DCLK2: variants seen among roughly 807,000 people sequenced by gnomAD.
The protein encoded by DCLK2 is doublecortin like kinase 2.
Under a neutral mutation model 78.4 loss-of-function variants are expected in DCLK2, and 31 were observed. That is an observed-to-expected ratio of 0.40 (90% CI 0.30 to 0.53). DCLK2 has a LOEUF of 0.53. Among genes scored for constraint, DCLK2 ranks in the 20% least tolerant of loss-of-function variants. The pLI is 0.61. For missense variants in DCLK2, 872 were observed against 973.7 expected (o/e 0.90, Z 1.39); for synonymous variants, 407 against 374.9 (o/e 1.09, Z -0.99).
intron 1 of DCLK2, among the ~76,000 whole-genome samples, chr4:150,098,979 G>A (rs1580496634): frequency 6.6e-6 from 1 of 152,096 alleles, no homozygotes; most frequent in Non-Finnish European, 1.5e-5. Flanking sequence ...ACAGGCATGA[G>A]CCACCGTGCC....
intron 12 of DCLK2, among the ~76,000 whole-genome samples, chr4:150,245,847 G>A (rs2126617707): frequency 6.6e-6 from 1 of 152,236 alleles, no homozygotes; most frequent in Non-Finnish European, 1.5e-5. Context: ...AAGACAGGGT[G>A]GCAATTCCTC....
intron 2 of DCLK2, among the ~76,000 whole-genome samples, chr4:150,106,998 C>G (rs1464294425): frequency 6.6e-6 from 1 of 152,106 alleles, no homozygotes; most frequent in Non-Finnish European, 1.5e-5. Flanking sequence ...AGTTTTGTCC[C>G]TAGGGCATGT....
At chr4:150,255,569 AG>A (rs1050554264) in intron 15 of DCLK2, among the ~76,000 whole-genome samples, 14 of 152,256 alleles carry the variant, frequency 9.2e-5, no homozygotes, top group African/African-American at 3.4e-4. Flanking sequence ...ACAGCATCTC[AG>A]GTTGTTAGGA....
chr4:150,133,253 T>C (rs1733454031), intron 2 of DCLK2, among the ~76,000 whole-genome samples: 1 of 152,122 alleles, frequency 6.6e-6, no homozygotes, highest in Non-Finnish European at 1.5e-5. Context: ...ATATGAGAAA[T>C]GAAACAAGGT....
At position 150,221,755 on chromosome 4, in the gene DCLK2, A is replaced by G. The variant is rs1741203743; in HGVS notation, c.1211A>G (p.Asn404Ser). The change falls in exon 7 of 16, where the codon AAT (asparagine) becomes AGT (serine). Residue 404 changes from asparagine (N) to serine (S), a missense_variant. Around this residue, in one of 3 missense-constraint regions of DCLK2, gnomAD observed 567 missense variants for 593.4 expected, o/e 0.96. Transcript: ENST00000296550. ...ATTGGAAAGGTCATTGGTGATGGCAATTTTGCAGTAGTCAAAGAGTGTATA... is the reference window on the plus strand; with the variant it reads ...ATTGGAAAGGTCATTGGTGATGGCAGTTTTGCAGTAGTCAAAGAGTGTATA... ...YKIGKVIGDGNFAVVKECIDR... is the reference protein window; with the variant it reads ...YKIGKVIGDGSFAVVKECIDR... 6.2e-7 allele frequency: 1 copy of G among 1,606,586 alleles called. No homozygotes were observed.
At chr4:150,187,091 A>G (rs1246112183) in intron 2 of DCLK2, among the ~76,000 whole-genome samples, 1 of 152,246 alleles carries the variant, frequency 6.6e-6, no homozygotes, top group Non-Finnish European at 1.5e-5. Flanking sequence ...CGTATTTTGC[A>G]TGCAGCTCAC....
At chr4:150,130,731 G>T (rs746484717) in intron 2 of DCLK2, among the ~76,000 whole-genome samples, 26 of 152,112 alleles carry the variant, frequency 1.7e-4, no homozygotes, top group Non-Finnish European at 2.9e-4. Context: ...CCAGTCAGGA[G>T]ACATGCTCAC....
rs1327988889 is a variant in DCLK2, at chr4:150,203,833, T to A, written c.1000T>A (p.Ser334Thr). 6.2e-7 allele frequency: 1 copy of A among 1,614,040 alleles called. No homozygotes were observed. The highest frequency in any genetic ancestry group is 1.7e-5 in the Admixed American group (1 of 60,014). The change falls in exon 5 of 16, where the codon TCT becomes ACT. Residue 334 changes from serine (S) to threonine (T), a missense_variant. Around this residue, in one of 3 missense-constraint regions of DCLK2, gnomAD observed 567 missense variants for 593.4 expected, o/e 0.96. Coordinates refer to ENST00000296550, the MANE Select transcript of DCLK2 (RefSeq NM_001040260.4). ...TPSSQLSTPKSTKSSSSSPTS... is the reference protein window; with the variant it reads ...TPSSQLSTPKTTKSSSSSPTS... The stretch of plus-strand genomic sequence containing the variant: ...CAGCAGCCAACTTTCTACTCCTAAA[T>A]CTACGAAATCCTCCAGTTCCTCTCC...
chr4:150,175,795 T>G (rs1466893015), intron 2 of DCLK2, among the ~76,000 whole-genome samples: 1 of 152,222 alleles, frequency 6.6e-6, no homozygotes, highest in Non-Finnish European at 1.5e-5. Flanking sequence ...CATTTTGGCG[T>G]GTCTTCATGC....
intron 10 of DCLK2, among the ~76,000 whole-genome samples, chr4:150,234,492 C>T (rs547732585): frequency 9.8e-5 from 15 of 152,328 alleles, no homozygotes; most frequent in African/African-American, 3.6e-4. Context: ...GCCTCTACAG[C>T]CTGCTGTGAG....
chr4:150,178,781 T>G (rs1737273814), intron 2 of DCLK2, among the ~76,000 whole-genome samples: 1 of 152,200 alleles, frequency 6.6e-6, no homozygotes, highest in Non-Finnish European at 1.5e-5. Context: ...TTTATTTTCT[T>G]TCCTCCTAAT....
intron 1 of DCLK2, among the ~76,000 whole-genome samples, chr4:150,098,341 G>T (rs996199334): frequency 6.6e-6 from 1 of 152,176 alleles, no homozygotes; most frequent in African/African-American, 2.4e-5. Context: ...GACTTCGTAT[G>T]ATATAGTCTG....
intron 2 of DCLK2, among the ~76,000 whole-genome samples, chr4:150,115,727 G>A (rs1302096765): frequency 2.0e-5 from 3 of 152,170 alleles, no homozygotes; most frequent in Non-Finnish European, 2.9e-5. Flanking sequence ...TGAAATGGCA[G>A]AGGTCTCTTG....
At chr4:150,104,421 A>AAAAAAAAAAAAC (rs1404789329) in intron 2 of DCLK2, among the ~76,000 whole-genome samples, 1 of 137,924 alleles carries the variant, frequency 7.3e-6, no homozygotes, top group African/African-American at 2.7e-5. Flanking sequence ...AAAAAAAAAA[A>AAAAAAAAAAAAC]AATCGAGCAT....
At chr4:150,152,959 C>T (rs1370515216) in intron 2 of DCLK2, among the ~76,000 whole-genome samples, 7 of 152,078 alleles carry the variant, frequency 4.6e-5, no homozygotes, top group Non-Finnish European at 8.8e-5. Flanking sequence ...AACAAAATAC[C>T]GTTAGAACAA....
chr4:150,223,957 A>G (rs190616492), intron 7 of DCLK2, among the ~76,000 whole-genome samples: 38 of 151,652 alleles, frequency 2.5e-4, no homozygotes, highest in Admixed American at 1.7e-3. Flanking sequence ...TAATGTAAAA[A>G]TATATTGATA....
intron 3 of DCLK2, among the ~76,000 whole-genome samples, chr4:150,195,344 A>ATT (rs1391109360): frequency 8.4e-4 from 4 of 4,762 alleles, no homozygotes; most frequent in African/African-American, 1.9e-3. Context: ...TATATTATAT[A>ATT]ATATTATATA....
intron 7 of DCLK2, among the ~76,000 whole-genome samples, chr4:150,222,982 T>C (rs185546380): frequency 6.6e-6 from 1 of 152,340 alleles, no homozygotes; most frequent in East Asian, 1.9e-4. Context: ...TTGGTGTTTA[T>C]AGGCTGCTAT....
intron 1 of DCLK2, among the ~76,000 whole-genome samples, chr4:150,080,783 C>T (rs1489860978): frequency 6.6e-6 from 1 of 152,184 alleles, no homozygotes; most frequent in African/African-American, 2.4e-5. Context: ...TTGAGTTTGT[C>T]TATTTAGTCA....
Sources: gnomAD v4.1 joint callset for allele counts (sites outside exome capture counted in the v4.1 genomes callset) on GRCh38, gnomAD v4.1.1 for gene constraint, gnomAD v4.1.1 regional missense constraint, MANE v1.5 for transcripts, NCBI Gene and HGNC (gene_info 2026-07-23, HGNC 2026-07-21) for gene names.